The following FBXL7 variants were observed in gnomAD, a reference collection of about 807,000 sequenced individuals.
FBXL7 encodes F-box/LRR-repeat protein 7.
FBXL7 carries 12 observed loss-of-function variants against 38.3 expected under a neutral mutation model. The observed-to-expected ratio is 0.31, with a 90% CI of 0.20 to 0.51. The LOEUF is 0.51. Ranked by LOEUF, FBXL7 falls within the 20% of genes least tolerant of loss-of-function variation. FBXL7 has a pLI of 0.98. For synonymous variants in FBXL7, 297 were observed against 300.9 expected (o/e 0.99, Z 0.13); for missense variants, 567 against 676.4 (o/e 0.84, Z 1.79).
chr5:15,818,127 G>GGT (rs1049939890), intron 2 of FBXL7, among the ~76,000 whole-genome samples: 2 of 152,148 alleles, frequency 1.3e-5, no homozygotes, highest in South Asian at 2.1e-4. Flanking sequence ...TGTTTTTGTA[G>GGT]GTGTGTGTGT....
At chr5:15,872,787 T>A (rs1740023294) in intron 2 of FBXL7, among the ~76,000 whole-genome samples, 2 of 152,062 alleles carry the variant, frequency 1.3e-5, no homozygotes, top group South Asian at 4.1e-4. Flanking sequence ...TAAAGCAAGT[T>A]CATAGAGACT....
intron 2 of FBXL7, among the ~76,000 whole-genome samples, chr5:15,846,583 T>C (rs1738909709): frequency 6.6e-6 from 1 of 152,244 alleles, no homozygotes; most frequent in South Asian, 2.1e-4. Flanking sequence ...GTTACAATTA[T>C]ACCGTTGTCT....
intron 2 of FBXL7, among the ~76,000 whole-genome samples, chr5:15,671,742 A>C (rs905721467): frequency 2.6e-5 from 4 of 152,198 alleles, no homozygotes; most frequent in Non-Finnish European, 4.4e-5. Flanking sequence ...TGGTGGTATA[A>C]TTTAGAGGCT....
At chr5:15,731,268 C>CA (rs1464524742) in intron 2 of FBXL7, among the ~76,000 whole-genome samples, 1 of 152,164 alleles carries the variant, frequency 6.6e-6, no homozygotes, top group Non-Finnish European at 1.5e-5. Flanking sequence ...ATGGAGAACT[C>CA]ACAGTTCCAC....
chr5:15,569,889 C>T (rs925243091), intron 1 of FBXL7, among the ~76,000 whole-genome samples: 6 of 152,196 alleles, frequency 3.9e-5, no homozygotes, highest in African/African-American at 1.4e-4. Flanking sequence ...TGCTGGACTA[C>T]ATTTATTGAT....
chr5:15,646,055 A>T (rs1741524017), intron 2 of FBXL7, among the ~76,000 whole-genome samples: 1 of 152,202 alleles, frequency 6.6e-6, no homozygotes. Flanking sequence ...TTAACCCACC[A>T]ACATGGTTAA....
At chr5:15,736,419 G>T (rs778619949) in intron 2 of FBXL7, among the ~76,000 whole-genome samples, 18 of 152,176 alleles carry the variant, frequency 1.2e-4, no homozygotes, top group South Asian at 6.2e-4. Context: ...AAGTATGGTG[G>T]CCCTTAAGTT....
At chr5:15,615,841 A>T in intron 1 of FBXL7, 142 bp from the exon 2 acceptor site, 2 of 526,608 alleles carry the variant, frequency 3.8e-6, no homozygotes, top group South Asian at 3.3e-5. Context: ...TAAGGCAAAA[A>T]AAAACTTAAT....
intron 2 of FBXL7, among the ~76,000 whole-genome samples, chr5:15,730,453 A>C (rs930342384): frequency 1.3e-5 from 2 of 152,182 alleles, no homozygotes; most frequent in Non-Finnish European, 2.9e-5. Context: ...TATATTAAAA[A>C]AATTCCTTCA....
At chr5:15,729,987 G>T (rs1423607991) in intron 2 of FBXL7, among the ~76,000 whole-genome samples, 1 of 152,090 alleles carries the variant, frequency 6.6e-6, no homozygotes, top group East Asian at 1.9e-4. Context: ...TATGATCGAA[G>T]AATAAAAGCC....
At chr5:15,583,378 G>A (rs1739205957) in intron 1 of FBXL7, among the ~76,000 whole-genome samples, 1 of 152,140 alleles carries the variant, frequency 6.6e-6, no homozygotes, top group Admixed American at 6.5e-5. Context: ...ACCCATGTCA[G>A]CATTAATTCA....
chr5:15,668,872 A>T (rs13165753), intron 2 of FBXL7, among the ~76,000 whole-genome samples: 25,098 of 152,238 alleles, frequency 0.16, 2,150 homozygotes, highest in Middle Eastern at 0.18. Context: ...ATTTCTTGTC[A>T]AATTACATGT....
At chr5:15,529,213 C>T (rs1485695812) in intron 1 of FBXL7, among the ~76,000 whole-genome samples, 4 of 152,206 alleles carry the variant, frequency 2.6e-5, no homozygotes, top group African/African-American at 7.2e-5. Flanking sequence ...ACATAATATT[C>T]TCCAAGTTTA....
chr5:15,840,026 G>A (rs1738700988), intron 2 of FBXL7, among the ~76,000 whole-genome samples: 1 of 152,246 alleles, frequency 6.6e-6, no homozygotes, highest in South Asian at 2.1e-4. Flanking sequence ...AATTTCTGTA[G>A]GATATCTTCT....
intron 2 of FBXL7, among the ~76,000 whole-genome samples, chr5:15,717,268 C>T (rs1744070116): frequency 6.6e-6 from 1 of 152,172 alleles, no homozygotes. Context: ...CCTGAGTCCC[C>T]TGCTGCTCCT....
At chr5:15,797,905 G>T (rs991806846) in intron 2 of FBXL7, among the ~76,000 whole-genome samples, 1 of 152,138 alleles carries the variant, frequency 6.6e-6, no homozygotes, top group Non-Finnish European at 1.5e-5. Flanking sequence ...GGAAATATTG[G>T]CTTTTAGATT....
chr5:15,663,608 A>G (rs1370626005), intron 2 of FBXL7, among the ~76,000 whole-genome samples: 1 of 152,122 alleles, frequency 6.6e-6, no homozygotes, highest in East Asian at 1.9e-4. Context: ...AGTTCTGTGT[A>G]TGTGATGAAT....
At chr5:15,737,076 C>T (rs1735776593) in intron 2 of FBXL7, among the ~76,000 whole-genome samples, 1 of 152,264 alleles carries the variant, frequency 6.6e-6, no homozygotes, top group South Asian at 2.1e-4. Flanking sequence ...CAGAGTCACA[C>T]AGCCAGTAAA....
intron 1 of FBXL7, among the ~76,000 whole-genome samples, chr5:15,531,767 A>G (rs1187729754): frequency 6.6e-6 from 1 of 152,212 alleles, no homozygotes; most frequent in Non-Finnish European, 1.5e-5. Context: ...CCTACTGTGT[A>G]CCTGGCACTA....
Sources: allele counts gnomAD v4.1 joint callset (sites outside exome capture counted in the v4.1 genomes callset), GRCh38; gene constraint gnomAD v4.1.1; transcripts MANE v1.5; gene names NCBI Gene and HGNC (gene_info 2026-07-23, HGNC 2026-07-21).